Variants in CRK observed in about 807,000 individuals in gnomAD.
CRK encodes the protein adapter molecule crk.
In CRK, 4 loss-of-function variants were observed where a neutral mutation model predicts 29.8. The ratio of observed to expected loss-of-function variants is 0.13; its 90% confidence interval spans 0.07 to 0.31. The LOEUF is 0.31. Among genes scored for constraint, CRK ranks in the 10% least tolerant of loss-of-function variants. The pLI, the probability that CRK is intolerant of heterozygous loss-of-function variation, is 1.00. For synonymous variants in CRK, 153 were observed against 164.9 expected, an observed-to-expected ratio of 0.93 and a Z score of 0.55; for missense variants, 274 against 396.5, an observed-to-expected ratio of 0.69 and a Z score of 2.62.
intron 2 of CRK, among the ~76,000 whole-genome samples, chr17:1,431,557 T>C (rs2073845358): frequency 6.6e-6 from 1 of 151,254 alleles, no homozygotes; most frequent in Non-Finnish European, 1.5e-5. Flanking sequence ...CCATCTCTAC[T>C]AAAAATACAA....
rs150365260 is a variant in CRK, at chr17:1,423,531, G to C, written c.897C>G (p.Pro299=). The part of the protein sequence containing the change: ...THVRLLDQQN[P]DEDFS ...ACTATACTCAGCTGAAGTCCTCATC[G>C]GGATTCTGTTGATCCAGCAGACGGA... Residue 299 remains proline (P), a synonymous_variant, in exon 3 of 3, where the codon CCC becomes CCG. Coordinates refer to ENST00000300574, the MANE Select transcript of CRK (RefSeq NM_016823.4). 1 of 1,613,804 alleles carries C rather than the reference G, an allele frequency of 6.2e-7. No individual in the cohort carries two copies. Among genetic ancestry groups the C allele is most frequent in the South Asian group, 1.1e-5 (1 of 91,044 alleles).
rs773155524 is a variant in CRK, at chr17:1,436,605, G to A, written c.777+15C>T. The A allele has an allele frequency of 6.3e-7, 1 of 1,583,530 alleles. No homozygotes were observed. On this transcript the variant is annotated intron_variant, in intron 2 of 2. Transcript: ENST00000300574. ...GCAGCAGATCTCTTCTTTCTACATT[G>A]TGCACGTTATGTACCTCCAAAGCCA...
chr17:1,424,667 C>T (rs1349774989), intron 2 of CRK: 1 of 152,238 alleles, frequency 6.6e-6, no homozygotes, highest in Non-Finnish European at 1.5e-5. Context: ...GACCTTGCTG[C>T]TCCCTCAAAG....
chr17:1,421,065 A>G lies in CRK; in HGVS notation c.*2448T>C, dbSNP rs1203728794. On this transcript the variant is annotated 3_prime_UTR_variant, in exon 3 of 3. Coordinates refer to ENST00000300574, the MANE Select transcript of CRK (RefSeq NM_016823.4). ...CAGCCAATTTCAGTTTACTTTGCCA[A>G]TAGGATTTCAGCATTTGCTTTTTTT... The G allele has an allele frequency of 6.6e-6, 1 of 152,178 alleles. No homozygotes were observed. The highest frequency in any genetic ancestry group is 2.4e-5 in the African/African-American group (1 of 41,440). 9.4% of individuals were successfully genotyped at this position (152,178 alleles called of 1,614,324 possible).
intron 1 of CRK, among the ~76,000 whole-genome samples, chr17:1,447,335 C>T (rs893590959): frequency 6.6e-6 from 1 of 151,818 alleles, no homozygotes; most frequent in Non-Finnish European, 1.5e-5. Context: ...GGATTCTGAA[C>T]GTGGAGTTAG....
chr17:1,437,190 G>T, intron 1 of CRK, 35 bp from the exon 2 acceptor site: 1 of 1,531,142 alleles, frequency 6.5e-7, no homozygotes, highest in Non-Finnish European at 8.8e-7. Flanking sequence ...ATTTAATGAT[G>T]TACTACACTG....
At chr17:1,437,397 T>C in intron 1 of CRK, among the ~76,000 whole-genome samples, 1 of 151,768 alleles carries the variant, frequency 6.6e-6, no homozygotes, top group East Asian at 1.9e-4. Context: ...AGTCAAGATT[T>C]AATCAGCAAA....
At chr17:1,437,881 G>T (rs988338793) in intron 1 of CRK, among the ~76,000 whole-genome samples, 3 of 150,748 alleles carry the variant, frequency 2.0e-5, no homozygotes, top group African/African-American at 7.3e-5. Context: ...GGCCAGGCTG[G>T]TCTCAAACTC....
At chr17:1,428,006 G>C (rs2073798233) in intron 2 of CRK, among the ~76,000 whole-genome samples, 2 of 151,910 alleles carry the variant, frequency 1.3e-5, no homozygotes, top group South Asian at 4.2e-4. Context: ...GAGGTGAAGG[G>C]TAGGTTGAAA....
At chr17:1,455,540 C>A (rs2074049469) in intron 1 of CRK, among the ~76,000 whole-genome samples, 1 of 152,186 alleles carries the variant, frequency 6.6e-6, no homozygotes, top group Admixed American at 6.5e-5. Flanking sequence ...CCCCGCAGTG[C>A]CAACATCTCC....
intron 1 of CRK, among the ~76,000 whole-genome samples, chr17:1,441,765 C>T (rs1229259093): frequency 6.6e-6 from 1 of 152,070 alleles, no homozygotes; most frequent in Non-Finnish European, 1.5e-5. Context: ...GCTGGGATTA[C>T]AGGCGTGAGC....
At chr17:1,428,837 T>G (rs1054204242) in intron 2 of CRK, among the ~76,000 whole-genome samples, 1 of 151,188 alleles carries the variant, frequency 6.6e-6, no homozygotes, top group African/African-American at 2.4e-5. Context: ...CTATCTTTAA[T>G]GTACAGATTC....
At chr17:1,441,541 G>C (rs1359056901) in intron 1 of CRK, among the ~76,000 whole-genome samples, 1 of 151,718 alleles carries the variant, frequency 6.6e-6, no homozygotes. Flanking sequence ...ACCCAGGCTG[G>C]AGTGCACTGG....
intron 2 of CRK, among the ~76,000 whole-genome samples, chr17:1,428,823 A>C (rs1471528367): frequency 6.7e-6 from 1 of 150,336 alleles, no homozygotes; most frequent in African/African-American, 2.5e-5. Context: ...CGCCCGGCTC[A>C]GAACTATCTT....
intron 1 of CRK, among the ~76,000 whole-genome samples, chr17:1,440,781 T>C (rs538508955): frequency 6.6e-6 from 1 of 152,252 alleles, no homozygotes; most frequent in Admixed American, 6.5e-5. Flanking sequence ...TGCATGTCTG[T>C]TAGTCCCAGC....
At chr17:1,433,509 C>CTTTT (rs60236552) in intron 2 of CRK, among the ~76,000 whole-genome samples, 4 of 58,590 alleles carry the variant, frequency 6.8e-5, no homozygotes, top group African/African-American at 1.6e-4. Flanking sequence ...CCACGCCTGG[C>CTTTT]TTTTTTTTTT....
At chr17:1,448,391 G>C (rs2073991144) in intron 1 of CRK, among the ~76,000 whole-genome samples, 1 of 152,064 alleles carries the variant, frequency 6.6e-6, no homozygotes, top group Non-Finnish European at 1.5e-5. Context: ...TTGGGTGGCA[G>C]AGCCAGGCAA....
intron 2 of CRK, among the ~76,000 whole-genome samples, chr17:1,427,022 ACTGTCTCC>A (rs1417571648): frequency 2.7e-5 from 3 of 111,434 alleles, no homozygotes. Flanking sequence ...ACAGAGCAAA[ACTGTCTCC>A]AAAAAAAAAA....
intron 2 of CRK, among the ~76,000 whole-genome samples, chr17:1,425,917 C>T (rs1374806402): frequency 6.6e-6 from 1 of 152,224 alleles, no homozygotes; most frequent in Non-Finnish European, 1.5e-5. Flanking sequence ...AGGCTTGGTG[C>T]AGTGGCTCAT....
Sources: allele counts gnomAD v4.1 joint callset (sites outside exome capture counted in the v4.1 genomes callset), GRCh38; gene constraint gnomAD v4.1.1; transcripts MANE v1.5; gene names NCBI Gene and HGNC (gene_info 2026-07-23, HGNC 2026-07-21).